HIP1: variants seen among roughly 807,000 people sequenced by gnomAD.
HIP1 encodes huntingtin interacting protein 1.
In HIP1, 65 loss-of-function variants were observed where a neutral mutation model predicts 147.6. That is an observed-to-expected ratio of 0.44 (90% confidence interval 0.36 to 0.54). The LOEUF is 0.54. Among genes scored for constraint, HIP1 ranks in the 20% least tolerant of loss-of-function variants. The probability of loss-of-function intolerance (pLI) is 0.00; values close to 1 mark genes in which losing one functional copy is unlikely to be tolerated. For synonymous variants in HIP1, 479 were observed against 504.0 expected (o/e 0.95, Z 0.67); for missense variants, 1,061 against 1,299.6 (o/e 0.82, Z 2.82).
At chr7:75,549,987 G>T (rs1794723333) in intron 22 of HIP1, among the ~76,000 whole-genome samples, 1 of 151,916 alleles carries the variant, frequency 6.6e-6, no homozygotes, top group African/African-American at 2.4e-5. Context: ...TTCAAATACA[G>T]ATGATATCTT....
rs1799426696 is a variant in HIP1, at chr7:75,664,029, T to C, written c.121-64782A>G. On this transcript the variant is annotated intron_variant, in intron 1 of 30. Transcript: ENST00000336926. ...GTGTATATATATACACATATATGTG[T>C]ATATATATACACATATATGTGTATA... is the stretch of plus-strand genomic sequence containing the variant. Among the ~76,000 whole-genome samples the C allele has an allele frequency of 3.1e-4, 3 of 9,818 alleles. 1 individual carries two copies. The highest frequency in any genetic ancestry group is 2.9e-3 in the African/African-American group (2 of 688). 6.4% of individuals were successfully genotyped at this position (9,818 alleles called of 152,430 possible).
At chr7:75,601,251 C>T (rs1554502865) in intron 1 of HIP1, among the ~76,000 whole-genome samples, 1 of 151,718 alleles carries the variant, frequency 6.6e-6, no homozygotes, top group Non-Finnish European at 1.5e-5. Context: ...CAGCAAACTA[C>T]AGTTACAAGC....
intron 1 of HIP1, among the ~76,000 whole-genome samples, chr7:75,681,372 C>T (rs1044338964): frequency 6.6e-6 from 1 of 152,036 alleles, no homozygotes; most frequent in Admixed American, 6.6e-5. Flanking sequence ...CAAGAAGGCT[C>T]TTCTTGACCT....
intron 1 of HIP1, among the ~76,000 whole-genome samples, chr7:75,601,519 C>T (rs1209770004): frequency 6.6e-6 from 1 of 151,748 alleles, no homozygotes; most frequent in Non-Finnish European, 1.5e-5. Context: ...TTGCTTGAAC[C>T]TGGGAGGCAG....
At chr7:75,657,175 A>G (rs1799167933) in intron 1 of HIP1, among the ~76,000 whole-genome samples, 1 of 152,218 alleles carries the variant, frequency 6.6e-6, no homozygotes, top group African/African-American at 2.4e-5. Context: ...GTGCCCATCC[A>G]TGGTAGACTG....
Position 75,534,926 on chromosome 7 carries a change from AG to A in HIP1, c.*3245del, listed in dbSNP as rs1794028617. On this transcript the variant is annotated 3_prime_UTR_variant, in exon 31 of 31. Coordinates refer to ENST00000336926, the MANE Select transcript of HIP1 (RefSeq NM_005338.7). ...ACTAGTGATGCTCAGTGACTCATTT[AG>A]AAGGCTTGCAGGTTCATTTTTAGCT... 4.8e-6 allele frequency: 1 copy of A among 206,468 alleles called. No homozygotes were observed. The highest frequency in any genetic ancestry group is 5.9e-5 in the Admixed American group (1 of 16,820). The allele number at this position is 206,468 out of a possible 1,614,324, so 12.8% of individuals were successfully genotyped here.
At chr7:75,581,020 G>A (rs891051240) in intron 7 of HIP1, among the ~76,000 whole-genome samples, 3 of 152,230 alleles carry the variant, frequency 2.0e-5, no homozygotes, top group Non-Finnish European at 2.9e-5. Flanking sequence ...AGGATTACAG[G>A]TGCGAGCCAC....
At chr7:75,670,463 C>G (rs1394598910) in intron 1 of HIP1, among the ~76,000 whole-genome samples, 1 of 152,126 alleles carries the variant, frequency 6.6e-6, no homozygotes, top group East Asian at 1.9e-4. Flanking sequence ...TCATGAGGCT[C>G]ATTATCACTG....
chr7:75,558,363 G>C (rs1158465933), intron 14 of HIP1, 108 bp from the exon 15 acceptor site: 1 of 828,746 alleles, frequency 1.2e-6, no homozygotes, highest in East Asian at 2.5e-5. Context: ...TTTTGAGACA[G>C]TCTTGCTCTG....
rs1794038125 is a variant in HIP1 at position 75,535,184 on chromosome 7, T to C, written c.*2988A>G. 4.7e-6 allele frequency: 1 copy of C among 212,514 alleles called. No individual in the cohort carries two copies. The highest frequency in any genetic ancestry group is 5.9e-5 in the Admixed American group (1 of 17,034). The allele number at this position is 212,514 out of a possible 1,614,324, so 13.2% of individuals were successfully genotyped here. On this transcript the variant is annotated 3_prime_UTR_variant, in exon 31 of 31. Transcript: ENST00000336926. ...CTTTCTTAACCGTTATGACTCAGGC[T>C]AAGTCGATGAAGTTTTTAAACATTT...
At chr7:75,618,865 C>T (rs1031745192) in intron 1 of HIP1, among the ~76,000 whole-genome samples, 15 of 151,100 alleles carry the variant, frequency 9.9e-5, no homozygotes, top group Non-Finnish European at 1.6e-4. Flanking sequence ...TTTTTTTCTT[C>T]CAAGTTTTTT....
intron 21 of HIP1, 69 bp from the exon 22 acceptor site, chr7:75,553,658 T>A (rs1794878205): frequency 6.8e-7 from 1 of 1,463,914 alleles, no homozygotes; most frequent in Non-Finnish European, 9.4e-7. Flanking sequence ...CAGGCTGGAG[T>A]GCAGTGGCGC....
chr7:75,616,251 G>T (rs1182891), intron 1 of HIP1, among the ~76,000 whole-genome samples: 43,065 of 151,762 alleles, frequency 0.28, 7,334 homozygotes, highest in African/African-American at 0.47. Context: ...CTTGTGCATG[G>T]CCTGTGAGCT....
chr7:75,544,621 AAGTACTCTTTAACCTAGCCT>A, intron 27 of HIP1, 54 bp downstream of exon 27: 1 of 896,486 alleles, frequency 1.1e-6, no homozygotes, highest in East Asian at 2.4e-5. Context: ...TAACGCAGCC[AAGTACTCTTTAACCTAGCCT>A]AGTACTCTCT....
chr7:75,560,676 T>C (rs1226757992), intron 13 of HIP1, among the ~76,000 whole-genome samples: 1 of 152,234 alleles, frequency 6.6e-6, no homozygotes, highest in East Asian at 1.9e-4. Flanking sequence ...GCCTAAATGC[T>C]GTCCTCATGG....
intron 7 of HIP1, among the ~76,000 whole-genome samples, chr7:75,577,294 A>G (rs886407810): frequency 2.8e-4 from 41 of 144,804 alleles, no homozygotes; most frequent in African/African-American, 1.0e-3. Flanking sequence ...ATTGTGCCAC[A>G]GTACTCCAGC....
rs887825126 is a variant in HIP1, at chr7:75,708,146, C to T, written c.120+30655G>A. Among the ~76,000 whole-genome samples the T allele has an allele frequency of 5.3e-4, 79 of 148,850 alleles. 2 individuals are homozygous for T. The highest frequency in any genetic ancestry group is 2.0e-3 in the African/African-American group (75 of 38,360). ...GCTTCTGCACAGCAAAAGAAACTAC[C>T]ATATATCTTCTTTAGAGAAATGTTT... is the stretch of plus-strand genomic sequence containing the variant. On this transcript the variant is annotated intron_variant, in intron 1 of 30. Coordinates refer to ENST00000336926, the MANE Select transcript of HIP1 (RefSeq NM_005338.7).
At chr7:75,677,183 G>C (rs1799922738) in intron 1 of HIP1, among the ~76,000 whole-genome samples, 1 of 151,200 alleles carries the variant, frequency 6.6e-6, no homozygotes, top group African/African-American at 2.4e-5. Flanking sequence ...GGACAAGAAT[G>C]AAACTCCATC....
chr7:75,583,804 G>GT (rs1400158119), intron 5 of HIP1, among the ~76,000 whole-genome samples: 2 of 130,338 alleles, frequency 1.5e-5, no homozygotes, highest in Non-Finnish European at 3.4e-5. Flanking sequence ...GTGTGTGTGT[G>GT]TTTAGTAGAG....
Sources: allele counts gnomAD v4.1 joint callset (sites outside exome capture counted in the v4.1 genomes callset), GRCh38; gene constraint gnomAD v4.1.1; transcripts MANE v1.5; gene names NCBI Gene and HGNC (gene_info 2026-07-23, HGNC 2026-07-21).